The following CSMD1 variants were observed in gnomAD, a reference collection of about 807,000 sequenced individuals.
The protein encoded by CSMD1 is CUB and Sushi multiple domains 1, also known as CUB and sushi domain-containing protein 1.
In CSMD1, 213 loss-of-function variants were observed where a neutral mutation model predicts 417.5. The observed-to-expected ratio is 0.51, with a 90% CI of 0.46 to 0.57. The LOEUF (loss-of-function observed/expected upper bound fraction) is 0.57. CSMD1 is among the 20% of genes least tolerant of loss of function. CSMD1 has a pLI of 0.00. For synonymous variants in CSMD1, 2,862 were observed against 1,736.8 expected, an observed-to-expected ratio of 1.65 and a Z score of -16.11; for missense variants, 6,923 against 4,529.7, an observed-to-expected ratio of 1.53 and a Z score of -15.17.
chr8:4,936,094 G>C (rs1425681475), intron 1 of CSMD1, among the ~76,000 whole-genome samples: 1 of 152,168 alleles, frequency 6.6e-6, no homozygotes, highest in East Asian at 1.9e-4. Context: ...GGCAAGGAGT[G>C]GAGGTAATTA....
intron 3 of CSMD1, among the ~76,000 whole-genome samples, chr8:4,374,960 G>GTGGGT (rs1554450648): frequency 1.7e-5 from 2 of 116,248 alleles, no homozygotes; most frequent in Non-Finnish European, 3.8e-5. Flanking sequence ...CAAAGGTGGG[G>GTGGGT]TGGGGGGGGG....
At chr8:4,360,103 A>G (rs1022892387) in intron 3 of CSMD1, among the ~76,000 whole-genome samples, 10 of 152,098 alleles carry the variant, frequency 6.6e-5, no homozygotes, top group African/African-American at 2.2e-4. Context: ...ACATATCTGT[A>G]TGTCTGGTTT....
chr8:3,817,789 G>C (rs573182397), intron 5 of CSMD1, among the ~76,000 whole-genome samples: 57 of 152,192 alleles, frequency 3.7e-4, no homozygotes, highest in Admixed American at 7.2e-4. Flanking sequence ...GCAGACCAAA[G>C]TCAGGAATGT....
At chr8:4,206,925 T>G (rs1375007585) in intron 3 of CSMD1, among the ~76,000 whole-genome samples, 2 of 152,216 alleles carry the variant, frequency 1.3e-5, no homozygotes, top group Non-Finnish European at 2.9e-5. Context: ...TTGGGCAAAT[T>G]GCCCTCCTCT....
chr8:3,649,072 T>C (rs974714685), intron 7 of CSMD1, among the ~76,000 whole-genome samples: 2 of 152,158 alleles, frequency 1.3e-5, no homozygotes, highest in African/African-American at 4.8e-5. Context: ...CCAGGGTTTT[T>C]TCTGGTCTTT....
At chr8:3,434,915 C>T (rs980332688) in intron 12 of CSMD1, among the ~76,000 whole-genome samples, 1 of 152,176 alleles carries the variant, frequency 6.6e-6, no homozygotes, top group African/African-American at 2.4e-5. Context: ...TGGTTTAAGT[C>T]AACTATCACG....
At chr8:4,146,224 C>G (rs1202128467) in intron 3 of CSMD1, among the ~76,000 whole-genome samples, 2 of 151,030 alleles carry the variant, frequency 1.3e-5, no homozygotes, top group African/African-American at 2.5e-5. Context: ...GAAACATGAA[C>G]TTGGAGAAAA....
intron 36 of CSMD1, chr8:3,182,922 AGTAGAGAAGGGGTTG>A (rs1390268404): frequency 2.2e-4 from 21 of 94,228 alleles, no homozygotes; most frequent in African/African-American, 7.1e-4. Context: ...AGGGGTTGTT[AGTAGAGAAGGGGTTG>A]TTAGTAGAGA....
rs765648287 is a variant in CSMD1, at chr8:3,361,651, C to CAAA, written c.3116-2314_3116-2312dup. Among the ~76,000 whole-genome samples the CAAA allele has an allele frequency of 8.7e-3, 687 of 78,524 alleles. 13 individuals carry two copies. The highest frequency in any genetic ancestry group is 0.022 in the Middle Eastern group (2 of 92). The allele number at this position is 78,524 out of a possible 152,430, so 51.5% of individuals were successfully genotyped here. On this transcript the variant is annotated intron_variant, in intron 20 of 69. Transcript: ENST00000635120. ...TGGGCAACAGAGCAAGATTCCATCTCAAAAAAAAAAAAAAAAAAAAACAAA... is the reference window on the plus strand; with the variant it reads ...TGGGCAACAGAGCAAGATTCCATCTCAAAAAAAAAAAAAAAAAAAAAAAACAAA...
At chr8:3,376,629 G>C (rs941934728) in intron 18 of CSMD1, among the ~76,000 whole-genome samples, 1 of 151,342 alleles carries the variant, frequency 6.6e-6, no homozygotes, top group African/African-American at 2.4e-5. Flanking sequence ...AGTTTTCTTT[G>C]CGTTTGTCTT....
chr8:2,960,135 G>C (rs1212833594), intron 62 of CSMD1, among the ~76,000 whole-genome samples: 6 of 152,214 alleles, frequency 3.9e-5, no homozygotes, highest in Admixed American at 2.6e-4. Flanking sequence ...ATCAGTGAGA[G>C]CGACATCCAT....
intron 3 of CSMD1, among the ~76,000 whole-genome samples, chr8:4,135,274 A>G (rs913575471): frequency 3.3e-5 from 5 of 150,856 alleles, no homozygotes; most frequent in Non-Finnish European, 5.9e-5. Flanking sequence ...CTTAACAACC[A>G]TTAGAAGGAG....
At chr8:4,869,099 T>C (rs151028267) in intron 1 of CSMD1, among the ~76,000 whole-genome samples, 219 of 152,164 alleles carry the variant, frequency 1.4e-3, no homozygotes, top group Middle Eastern at 0.01. Flanking sequence ...AATTTCTCAT[T>C]GTATTATTTT....
chr8:4,177,645 C>T (rs2680619), intron 3 of CSMD1, among the ~76,000 whole-genome samples: 1 of 140,478 alleles, frequency 7.1e-6, no homozygotes, highest in Non-Finnish European at 1.5e-5. Context: ...CCAGGAGCTG[C>T]TTTTTTGAAA....
chr8:3,236,036 G>C, intron 26 of CSMD1, among the ~76,000 whole-genome samples: 1 of 147,904 alleles, frequency 6.8e-6, no homozygotes, highest in South Asian at 2.1e-4. Context: ...TCCTTCCTCA[G>C]TCTCCGGAGT....
chr8:4,939,401 T>G (rs567943088), intron 1 of CSMD1, among the ~76,000 whole-genome samples: 14 of 152,326 alleles, frequency 9.2e-5, no homozygotes, highest in South Asian at 6.2e-4. Flanking sequence ...ACAACCTCAG[T>G]GACCCTCAAC....
At chr8:4,722,401 G>A (rs17346747) in intron 1 of CSMD1, among the ~76,000 whole-genome samples, 11,678 of 152,158 alleles carry the variant, frequency 0.077, 647 homozygotes, top group Non-Finnish European at 0.12. Context: ...CCAATGCTGT[G>A]TATCTCTTGA....
intron 3 of CSMD1, among the ~76,000 whole-genome samples, chr8:4,072,699 G>A (rs1401486074): frequency 6.6e-6 from 1 of 152,152 alleles, no homozygotes; most frequent in South Asian, 2.1e-4. Context: ...TTTCAACTCT[G>A]TGAATTGGGA....
At chr8:3,925,163 C>T (rs911217938) in intron 5 of CSMD1, among the ~76,000 whole-genome samples, 1 of 152,162 alleles carries the variant, frequency 6.6e-6, no homozygotes, top group East Asian at 1.9e-4. Context: ...CAAATCCTGA[C>T]CCATAGAAAT....
Sources: allele counts gnomAD v4.1 joint callset (sites outside exome capture counted in the v4.1 genomes callset), GRCh38; gene constraint gnomAD v4.1.1; transcripts MANE v1.5; gene names NCBI Gene and HGNC (gene_info 2026-07-23, HGNC 2026-07-21).